The following SNCAIP variants were observed in gnomAD, a reference collection of about 807,000 sequenced individuals.
SNCAIP encodes synphilin-1.
Under a neutral mutation model 86.7 loss-of-function variants are expected in SNCAIP, and 43 were observed. That is an observed-to-expected ratio of 0.50 (90% CI 0.39 to 0.64). The LOEUF (loss-of-function observed/expected upper bound fraction) is 0.64, where lower values mean the gene tolerates loss of function less well. Among genes scored for constraint, SNCAIP ranks in the 30% least tolerant of loss-of-function variants. The pLI is 0.00. For synonymous variants in SNCAIP, 417 were observed against 427.2 expected, an observed-to-expected ratio of 0.98 and a Z score of 0.29; for missense variants, 981 against 1,103.1, an observed-to-expected ratio of 0.89 and a Z score of 1.57.
chr5:122,449,497 A>G (rs1218059667), intron 8 of SNCAIP, among the ~76,000 whole-genome samples: 1 of 152,194 alleles, frequency 6.6e-6, no homozygotes, highest in Non-Finnish European at 1.5e-5. Context: ...TCTACATTAT[A>G]TAGACATAAT....
intron 1 of SNCAIP, among the ~76,000 whole-genome samples, chr5:122,350,317 A>G (rs1759494127): frequency 6.6e-6 from 1 of 152,216 alleles, no homozygotes; most frequent in South Asian, 2.1e-4. Context: ...AATTTATTCT[A>G]TCTTAATTCA....
At chr5:122,433,772 A>T (rs1424725699) in intron 6 of SNCAIP, among the ~76,000 whole-genome samples, 1 of 152,172 alleles carries the variant, frequency 6.6e-6, no homozygotes, top group Non-Finnish European at 1.5e-5. Context: ...ACGCTCCCCA[A>T]CTTAAAATGG....
At chr5:122,339,968 C>A (rs1437686936) in intron 1 of SNCAIP, among the ~76,000 whole-genome samples, 2 of 152,138 alleles carry the variant, frequency 1.3e-5, no homozygotes, top group Non-Finnish European at 2.9e-5. Context: ...TCAGGCTCAA[C>A]TCAGCTTGAA....
chr5:122,336,770 T>C (rs1756555211), intron 1 of SNCAIP: 1 of 152,378 alleles, frequency 6.6e-6, no homozygotes, highest in Non-Finnish European at 1.5e-5. Context: ...CCAGATGATT[T>C]TTTTGTATTT....
At chr5:122,416,911 G>C (rs1296356115) in intron 3 of SNCAIP, among the ~76,000 whole-genome samples, 1 of 152,172 alleles carries the variant, frequency 6.6e-6, no homozygotes. Flanking sequence ...GTATATTGTT[G>C]TGTACATTTG....
chr5:122,320,095 A>G (rs1444560179), intron 1 of SNCAIP, among the ~76,000 whole-genome samples: 4 of 152,214 alleles, frequency 2.6e-5, no homozygotes, highest in Non-Finnish European at 4.4e-5. Flanking sequence ...TTCTGCCACA[A>G]GAGCTTCCTG....
chr5:122,313,491 A>G (rs914157480), intron 1 of SNCAIP, among the ~76,000 whole-genome samples: 1 of 152,280 alleles, frequency 6.6e-6, no homozygotes, highest in Non-Finnish European at 1.5e-5. Flanking sequence ...TTCGTTGCTG[A>G]ATCTGTAGGA....
chr5:122,324,658 A>T (rs983587059), intron 1 of SNCAIP, among the ~76,000 whole-genome samples: 1 of 152,218 alleles, frequency 6.6e-6, no homozygotes, highest in Non-Finnish European at 1.5e-5. Flanking sequence ...CACTCAGAAC[A>T]TCCATCTGAG....
chr5:122,382,377 TG>T (rs1327687791), intron 1 of SNCAIP, among the ~76,000 whole-genome samples: 1 of 152,242 alleles, frequency 6.6e-6, no homozygotes, highest in Non-Finnish European at 1.5e-5. Context: ...TCTCGAGCCT[TG>T]GTTTTTCAGC....
At chr5:122,346,615 G>T (rs1272189276) in intron 1 of SNCAIP, among the ~76,000 whole-genome samples, 2 of 152,038 alleles carry the variant, frequency 1.3e-5, no homozygotes, top group Admixed American at 6.6e-5. Flanking sequence ...CTATTGCAAA[G>T]AATAGATTTG....
At chr5:122,426,336 A>C (rs1777365514) in intron 5 of SNCAIP, among the ~76,000 whole-genome samples, 1 of 152,230 alleles carries the variant, frequency 6.6e-6, no homozygotes, top group Non-Finnish European at 1.5e-5. Context: ...AAGCTGAATA[A>C]TCATAATTTT....
chr5:122,393,921 G>T (rs2152846643), intron 2 of SNCAIP, among the ~76,000 whole-genome samples: 1 of 152,312 alleles, frequency 6.6e-6, no homozygotes, highest in South Asian at 2.1e-4. Context: ...ATACTGGAAT[G>T]ATTGTTCTCA....
chr5:122,357,461 C>A (rs1477836639), intron 1 of SNCAIP, among the ~76,000 whole-genome samples: 2 of 152,002 alleles, frequency 1.3e-5, no homozygotes, highest in African/African-American at 4.8e-5. Flanking sequence ...GTCTTGATAT[C>A]TTGACCTCGT....
chr5:122,356,095 C>CTTTTT (rs757246404), intron 1 of SNCAIP, among the ~76,000 whole-genome samples: 1 of 102,762 alleles, frequency 9.7e-6, no homozygotes. Context: ...GTTAGCCTTT[C>CTTTTT]TTTTTTTTTT....
intron 3 of SNCAIP, among the ~76,000 whole-genome samples, chr5:122,419,007 A>G (rs369712518): frequency 4.1e-4 from 62 of 152,282 alleles, no homozygotes; most frequent in African/African-American, 1.4e-3. Flanking sequence ...GAGGATAAGG[A>G]CACAGCAGGA....
At chr5:122,403,468 T>C (rs772618847) in intron 2 of SNCAIP, among the ~76,000 whole-genome samples, 1 of 152,142 alleles carries the variant, frequency 6.6e-6, no homozygotes, top group Non-Finnish European at 1.5e-5. Context: ...CTTGAAACTC[T>C]CAGGGTCAGA....
At chr5:122,424,579 GA>G (rs1448501271) in intron 4 of SNCAIP, among the ~76,000 whole-genome samples, 2 of 152,164 alleles carry the variant, frequency 1.3e-5, no homozygotes, top group Non-Finnish European at 2.9e-5. Context: ...ATACTATTGT[GA>G]TAGGGTAATA....
chr5:122,448,508 A>G (rs1480601369), intron 8 of SNCAIP, among the ~76,000 whole-genome samples: 2 of 148,730 alleles, frequency 1.3e-5, no homozygotes, highest in Admixed American at 1.4e-4. Context: ...AATTCAAACA[A>G]TTTAGGAAAA....
chr5:122,326,938 CTATGTATGTATG>C (rs36064900), intron 1 of SNCAIP, among the ~76,000 whole-genome samples: 9 of 146,778 alleles, frequency 6.1e-5, no homozygotes, highest in African/African-American at 1.3e-4. Flanking sequence ...ACTTTCTCAA[CTATGTATGTATG>C]TATGTATGTA....
Sources: allele counts gnomAD v4.1 joint callset (sites outside exome capture counted in the v4.1 genomes callset), GRCh38; gene constraint gnomAD v4.1.1; transcripts MANE v1.5; gene names NCBI Gene and HGNC (gene_info 2026-07-23, HGNC 2026-07-21).